The following KCNMB2 variants were observed in gnomAD, a reference collection of about 807,000 sequenced individuals.
KCNMB2 encodes the protein calcium-activated potassium channel subunit beta-2.
KCNMB2 carries 9 observed loss-of-function variants against 24.5 expected under a neutral mutation model. That is an observed-to-expected ratio of 0.37 (90% CI 0.22 to 0.64). KCNMB2 has a LOEUF of 0.64. Among genes scored for constraint, KCNMB2 ranks in the 30% least tolerant of loss-of-function variants. The probability of loss-of-function intolerance (pLI) is 0.63; values close to 1 mark genes in which losing one functional copy is unlikely to be tolerated. For synonymous variants in KCNMB2, 109 were observed against 104.4 expected, an observed-to-expected ratio of 1.04 and a Z score of -0.27; for missense variants, 226 against 284.3, an observed-to-expected ratio of 0.79 and a Z score of 1.47.
At chr3:178,782,858 T>C (rs958492604) in intron 1 of KCNMB2, among the ~76,000 whole-genome samples, 1 of 151,740 alleles carries the variant, frequency 6.6e-6, no homozygotes, top group African/African-American at 2.4e-5. Context: ...AGACAGGAAG[T>C]CCTTGCCCAT....
At chr3:178,784,759 A>G (rs1268145741) in intron 1 of KCNMB2, among the ~76,000 whole-genome samples, 3 of 151,610 alleles carry the variant, frequency 2.0e-5, no homozygotes, top group Non-Finnish European at 4.4e-5. Flanking sequence ...AATGAGTGAG[A>G]GTAGGATTTA....
chr3:178,640,205 T>C (rs542635991), intron 1 of KCNMB2, among the ~76,000 whole-genome samples: 23 of 152,344 alleles, frequency 1.5e-4, no homozygotes, highest in African/African-American at 5.5e-4. Flanking sequence ...GTTTTCACAC[T>C]GCTGTAAAGA....
At chr3:178,781,386 G>A (rs922259961) in intron 1 of KCNMB2, among the ~76,000 whole-genome samples, 7 of 151,946 alleles carry the variant, frequency 4.6e-5, no homozygotes, top group African/African-American at 7.3e-5. Flanking sequence ...GAGGTCAGGG[G>A]TTTGAGACCA....
intron 1 of KCNMB2, among the ~76,000 whole-genome samples, chr3:178,692,779 T>C (rs376340693): frequency 6.6e-6 from 1 of 152,360 alleles, no homozygotes; most frequent in Admixed American, 6.5e-5. Flanking sequence ...TTTCTAGTTA[T>C]ATGAAGAATC....
chr3:178,729,894 AG>A (rs1458691393), intron 1 of KCNMB2, among the ~76,000 whole-genome samples: 8 of 152,226 alleles, frequency 5.3e-5, no homozygotes, highest in African/African-American at 1.9e-4. Flanking sequence ...TTAAAACAAC[AG>A]AAGTTTACTC....
At chr3:178,837,333 A>G (rs937108321) in intron 4 of KCNMB2, among the ~76,000 whole-genome samples, 2 of 152,184 alleles carry the variant, frequency 1.3e-5, no homozygotes, top group Non-Finnish European at 2.9e-5. Context: ...AAACCCTGCC[A>G]TGAAGGCTCT....
chr3:178,814,407 G>T (rs889926159), intron 2 of KCNMB2, among the ~76,000 whole-genome samples: 1 of 152,140 alleles, frequency 6.6e-6, no homozygotes, highest in African/African-American at 2.4e-5. Flanking sequence ...TTACTATTAT[G>T]AATAGTGCTT....
At chr3:178,711,590 A>G (rs1434487753) in intron 1 of KCNMB2, among the ~76,000 whole-genome samples, 8 of 152,122 alleles carry the variant, frequency 5.3e-5, no homozygotes, top group East Asian at 3.9e-4. Context: ...GACTGGGAGC[A>G]GTCTCAGCCA....
chr3:178,785,311 T>C lies in KCNMB2; in HGVS notation c.-67-22032T>C, dbSNP rs973827976. Among the ~76,000 whole-genome samples, 7 of 152,116 alleles carry C rather than the reference T, an allele frequency of 4.6e-5. No homozygotes were observed. The East Asian group carries it at 1.4e-3, about 29-fold the overall frequency. ...AATTTGACAATTGCATAGGAGAACT[T>C]TTTGGCAGTTTCTAATAATACAATT... On this transcript the variant is annotated intron_variant, in intron 1 of 4. Coordinates refer to ENST00000452583, the MANE Select transcript of KCNMB2 (RefSeq NM_181361.3).
intron 1 of KCNMB2, among the ~76,000 whole-genome samples, chr3:178,704,969 C>T (rs1277107343): frequency 1.3e-5 from 2 of 152,070 alleles, no homozygotes; most frequent in Non-Finnish European, 2.9e-5. Flanking sequence ...GTATATACCA[C>T]CATCACCACT....
intron 1 of KCNMB2, among the ~76,000 whole-genome samples, chr3:178,713,004 G>A (rs770088783): frequency 1.4e-4 from 22 of 152,134 alleles, no homozygotes; most frequent in Admixed American, 2.0e-4. Context: ...CCTACTTTTC[G>A]TCTTTAGTAT....
At chr3:178,774,518 T>C (rs1283502055) in intron 1 of KCNMB2, among the ~76,000 whole-genome samples, 1 of 152,078 alleles carries the variant, frequency 6.6e-6, no homozygotes, top group African/African-American at 2.4e-5. Flanking sequence ...GTGTGGGAAG[T>C]TACATGGAGA....
intron 1 of KCNMB2, among the ~76,000 whole-genome samples, chr3:178,692,796 G>A (rs1333461306): frequency 1.3e-5 from 2 of 152,226 alleles, no homozygotes; most frequent in Non-Finnish European, 2.9e-5. Flanking sequence ...AATCTCAACA[G>A]TAGTTTAATA....
At chr3:178,681,078 G>T (rs1404639220) in intron 1 of KCNMB2, among the ~76,000 whole-genome samples, 1 of 152,156 alleles carries the variant, frequency 6.6e-6, no homozygotes, top group Non-Finnish European at 1.5e-5. Context: ...CCTTAGCTTA[G>T]CTGCCTATTA....
chr3:178,810,446 G>A (rs751791361), intron 2 of KCNMB2, among the ~76,000 whole-genome samples: 8 of 152,134 alleles, frequency 5.3e-5, no homozygotes, highest in Non-Finnish European at 1.0e-4. Flanking sequence ...TCCTCAAATC[G>A]TAGAATACCA....
chr3:178,614,283 A>ATATATATGTATATGTG (rs1718614788), intron 1 of KCNMB2, among the ~76,000 whole-genome samples: 2 of 69,544 alleles, frequency 2.9e-5, no homozygotes, highest in African/African-American at 9.0e-5. Context: ...ATATATATAT[A>ATATATATGTATATGTG]TATATATATA....
rs555829559 is a variant in KCNMB2, at chr3:178,807,503, T to C, written c.56+38T>C. ...GGATTCTGGGCACTTTTCAGAAGCA[T>C]TTAACCTGACTCTCCAAAGAGGATA... On this transcript the variant is annotated intron_variant, in intron 2 of 4. Transcript: ENST00000452583. 1.9e-6 allele frequency: 3 copies of C among 1,553,428 alleles called. No homozygotes were observed. In the African/African-American group the frequency reaches 4.1e-5, roughly 21 times the overall value.
At chr3:178,691,273 G>A (rs1423215335) in intron 1 of KCNMB2, among the ~76,000 whole-genome samples, 5 of 143,984 alleles carry the variant, frequency 3.5e-5, no homozygotes, top group Admixed American at 1.4e-4. Context: ...TTTGTTTTAA[G>A]TTCAGGAGTA....
rs138674900 is a variant in KCNMB2, at chr3:178,661,063, G to A, written c.-68+124352G>A. Among the ~76,000 whole-genome samples, 2,057 of 151,920 alleles carry A rather than the reference G, an allele frequency of 0.014. 91 individuals are homozygous for A. The East Asian group carries it at 0.18, about 13-fold the overall frequency. ...GCAGATTTGTTACATAGGTATACAC[G>A]TGTCATGGTGGTTTGCTGCACCCAT... On this transcript the variant is annotated intron_variant, in intron 1 of 4. Coordinates refer to ENST00000452583, the MANE Select transcript of KCNMB2 (RefSeq NM_181361.3).
Sources: allele counts gnomAD v4.1 joint callset (sites outside exome capture counted in the v4.1 genomes callset), GRCh38; gene constraint gnomAD v4.1.1; transcripts MANE v1.5; gene names NCBI Gene and HGNC (gene_info 2026-07-23, HGNC 2026-07-21).